Variants in ARMC2 observed in about 807,000 individuals in gnomAD.
ARMC2 encodes the protein armadillo repeat containing 2, also known as armadillo repeat-containing protein 2.
Under a neutral mutation model 90.3 loss-of-function variants are expected in ARMC2, and 67 were observed. The observed-to-expected ratio is 0.74, with a 90% confidence interval of 0.61 to 0.91. The LOEUF is 0.91. Ranked by LOEUF, ARMC2 falls within the 40% of genes least tolerant of loss-of-function variation. The pLI, the probability that ARMC2 is intolerant of heterozygous loss-of-function variation, is 0.00. For synonymous variants in ARMC2, 393 were observed against 393.0 expected (o/e 1.00, Z 0.00); for missense variants, 920 against 1,030.9 (o/e 0.89, Z 1.47).
the ARMC2 span, chr6:109,002,378 G>T: frequency 1.6e-3 from 2,515 of 1,561,192 alleles, 11 homozygotes; most frequent in South Asian, 3.2e-3. Flanking sequence ...CAGGCCTTTG[G>T]CAGTAAACAA....
chr6:108,908,969 C>G (rs1007183818), intron 8 of ARMC2, among the ~76,000 whole-genome samples: 15 of 152,186 alleles, frequency 9.9e-5, no homozygotes, highest in Non-Finnish European at 1.5e-5. Flanking sequence ...ACTTGGGAGT[C>G]TGGGGCAGGA....
At chr6:108,998,457 A>ATAACAGCAAT in the ARMC2 span, 1 of 1,595,318 alleles carries the variant, frequency 6.3e-7, no homozygotes, top group Non-Finnish European at 8.6e-7. Flanking sequence ...AAGAAATAAT[A>ATAACAGCAAT]TAACAGCAAT....
intron 5 of ARMC2, among the ~76,000 whole-genome samples, chr6:108,878,194 G>A (rs1777125768): frequency 1.3e-5 from 2 of 152,218 alleles, no homozygotes; most frequent in South Asian, 4.1e-4. Flanking sequence ...ATTGTTTCTT[G>A]TAAACATTTA....
intron 8 of ARMC2, among the ~76,000 whole-genome samples, chr6:108,909,315 G>C (rs1052870936): frequency 1.3e-5 from 2 of 151,618 alleles, no homozygotes; most frequent in African/African-American, 4.8e-5. Flanking sequence ...TGATAGTATT[G>C]ATGTCCCACA....
At position 108,965,540 on chromosome 6, in the gene ARMC2, G is replaced by A. The variant is rs142858394; in HGVS notation, c.2446+400G>A. Among the ~76,000 whole-genome samples, 903 of 152,182 alleles carry A rather than the reference G, an allele frequency of 5.9e-3. 13 individuals are homozygous for A. The highest frequency in any genetic ancestry group is 0.021 in the African/African-American group (857 of 41,508). ...GAAGCTATACATTTTAATTAGCTAC[G>A]TTAATTATCATGTGGGTGAGGGCCT... On this transcript the variant is annotated intron_variant, in intron 17 of 17. Transcript: ENST00000392644.
rs145926649 is a variant in ARMC2 at position 108,871,579 on chromosome 6, C to CTGTG, written c.463+2588_463+2591dup. ...GTGTTCTTGCTTGTGAGGTTGAATA[C>CTGTG]TGTGTGTTTCATGTATTTTTAACTT... On this transcript the variant is annotated intron_variant, in intron 4 of 17. Transcript: ENST00000392644. 4.0e-3 allele frequency among the ~76,000 whole-genome samples: 616 copies of CTGTG among 152,268 alleles called. 2 individuals carry two copies. The highest frequency in any genetic ancestry group is 0.014 in the African/African-American group (577 of 41,554).
intron 3 of ARMC2, among the ~76,000 whole-genome samples, chr6:108,862,212 C>T (rs543312711): frequency 2.6e-4 from 40 of 151,900 alleles, no homozygotes; most frequent in Middle Eastern, 3.4e-3. Flanking sequence ...GGTGTGGTGG[C>T]GCATGCCTCT....
At position 108,916,039 on chromosome 6, in the gene ARMC2, G is replaced by C. The variant is rs75126571; in HGVS notation, c.1350+3481G>C. On this transcript the variant is annotated intron_variant, in intron 10 of 17. Transcript: ENST00000392644. ...TGGAGACAAAGGAATGGGTATGAAG[G>C]AAAAGCTCCTTCAAAGCAGACGGAC... is the stretch of plus-strand genomic sequence containing the variant. 7.7e-3 allele frequency among the ~76,000 whole-genome samples: 1,175 copies of C among 151,690 alleles called. 15 individuals carry two copies. Among genetic ancestry groups the C allele is most frequent in the African/African-American group, 0.028 (1,147 of 41,308 alleles).
intron 10 of ARMC2, among the ~76,000 whole-genome samples, chr6:108,915,507 C>A (rs946189735): frequency 6.6e-6 from 1 of 152,082 alleles, no homozygotes; most frequent in Non-Finnish European, 1.5e-5. Context: ...TCTGGCACAG[C>A]GTTAGAGTCA....
chr6:108,856,062 T>G (rs1030038639), intron 2 of ARMC2, among the ~76,000 whole-genome samples: 1 of 152,246 alleles, frequency 6.6e-6, no homozygotes, highest in Non-Finnish European at 1.5e-5. Context: ...TTTAATGAAG[T>G]CAAGCTTATC....
At chr6:108,922,511 A>C (rs1195221007) in intron 10 of ARMC2, among the ~76,000 whole-genome samples, 2 of 152,224 alleles carry the variant, frequency 1.3e-5, no homozygotes, top group Non-Finnish European at 1.5e-5. Context: ...ACACAATTTG[A>C]AATTGATAAT....
At chr6:108,874,217 C>G (rs1347298825) in intron 4 of ARMC2, among the ~76,000 whole-genome samples, 2 of 152,098 alleles carry the variant, frequency 1.3e-5, no homozygotes, top group Admixed American at 1.3e-4. Flanking sequence ...GTAGTAATAC[C>G]TGACAAGCTT....
intron 12 of ARMC2, among the ~76,000 whole-genome samples, chr6:108,946,829 T>C (rs1776840463): frequency 1.3e-5 from 2 of 152,186 alleles, no homozygotes. Flanking sequence ...CAGCTTGATA[T>C]TGTTTCTTCC....
chr6:108,865,061 C>G (rs1429995999), intron 3 of ARMC2, among the ~76,000 whole-genome samples: 2 of 146,586 alleles, frequency 1.4e-5, no homozygotes, highest in Non-Finnish European at 3.0e-5. Flanking sequence ...TGCAGTGGTG[C>G]AACCTCCACC....
chr6:109,009,000 C>T, the ARMC2 span: 5 of 1,021,112 alleles, frequency 4.9e-6, no homozygotes, highest in African/African-American at 8.5e-5. Context: ...CCTCAAGACT[C>T]GAGGTCTGCT....
chr6:109,051,183 A>G, the ARMC2 span, among the ~76,000 whole-genome samples: 1 of 152,210 alleles, frequency 6.6e-6, no homozygotes, highest in Admixed American at 6.5e-5. Flanking sequence ...CTCATTTCAG[A>G]AATCAGTTTC....
intron 10 of ARMC2, among the ~76,000 whole-genome samples, chr6:108,924,834 G>A (rs1230246339): frequency 6.6e-6 from 1 of 152,178 alleles, no homozygotes; most frequent in Non-Finnish European, 1.5e-5. Context: ...TGTGGAAGGA[G>A]CCCATCCAGG....
chr6:108,912,501 T>G lies in ARMC2; in HGVS notation c.1293T>G (p.Asn431Lys). The G allele has an allele frequency of 6.2e-7, 1 of 1,614,002 alleles. No homozygotes were observed. Among genetic ancestry groups the G allele is most frequent in the African/African-American group, 1.3e-5 (1 of 75,070 alleles). ...TGATAAATTTGATAAAACAAATAAA[T>G]GAGAACATCAAGAAATGTGGTACAT... ...EILINLIKQINENIKKCGTFL... is the reference protein window; with the variant it reads ...EILINLIKQIKENIKKCGTFL... Residue 431 changes from asparagine (N) to lysine (K), a missense_variant, in exon 10 of 18, where the codon AAT becomes AAG. Asn to Lys is a moderately conservative substitution (Grantham distance 94). Coordinates refer to ENST00000392644, the MANE Select transcript of ARMC2 (RefSeq NM_032131.6).
intron 6 of ARMC2, among the ~76,000 whole-genome samples, chr6:108,894,816 G>T (rs1771440660): frequency 7.0e-6 from 1 of 142,362 alleles, no homozygotes; most frequent in Non-Finnish European, 1.5e-5. Flanking sequence ...GCCCAGGCTG[G>T]AGTGCAGTGG....
Sources: gnomAD v4.1 joint callset for allele counts (sites outside exome capture counted in the v4.1 genomes callset) on GRCh38, gnomAD v4.1.1 for gene constraint, MANE v1.5 for transcripts, NCBI Gene and HGNC (gene_info 2026-07-23, HGNC 2026-07-21) for gene names.